Variants in DYNC2LI1 observed in about 807,000 individuals in gnomAD.
DYNC2LI1 encodes the protein cytoplasmic dynein 2 light intermediate chain 1.
A neutral mutation model predicts 51.9 loss-of-function variants in DYNC2LI1; 45 were observed. The ratio of observed to expected loss-of-function variants is 0.87; its 90% confidence interval spans 0.68 to 1.11. DYNC2LI1 has a LOEUF of 1.11. Ranked by LOEUF, DYNC2LI1 falls within the 50% of genes most tolerant of loss-of-function variation. The probability of loss-of-function intolerance (pLI) is 0.00; values close to 1 mark genes in which losing one functional copy is unlikely to be tolerated. For missense variants in DYNC2LI1, 490 were observed against 417.4 expected (o/e 1.17, Z -1.51); for synonymous variants, 130 against 137.8 (o/e 0.94, Z 0.40).
intron 2 of DYNC2LI1, among the ~76,000 whole-genome samples, chr2:43,781,242 A>G (rs1338746893): frequency 6.6e-6 from 1 of 151,926 alleles, no homozygotes; most frequent in Non-Finnish European, 1.5e-5. Flanking sequence ...GGTGGTGCAT[A>G]CTGGTAATCC....
At chr2:43,817,891 CAG>C in the DYNC2LI1 span, among the ~76,000 whole-genome samples, 1 of 152,090 alleles carries the variant, frequency 6.6e-6, no homozygotes, top group Non-Finnish European at 1.5e-5. Context: ...GCCTGGGTGA[CAG>C]AGCGCGATTC....
intron 2 of DYNC2LI1, among the ~76,000 whole-genome samples, chr2:43,777,382 A>G (rs960606145): frequency 6.6e-6 from 1 of 152,162 alleles, no homozygotes; most frequent in Non-Finnish European, 1.5e-5. Context: ...ACCCCTCCCC[A>G]CTTGTTGTAA....
chr2:43,818,015 C>T, the DYNC2LI1 span, among the ~76,000 whole-genome samples: 1 of 152,112 alleles, frequency 6.6e-6, no homozygotes, highest in Non-Finnish European at 1.5e-5. Flanking sequence ...TAACGTTAAC[C>T]TACAGTTGGG....
intron 5 of DYNC2LI1, among the ~76,000 whole-genome samples, chr2:43,791,425 A>G (rs1267854709): frequency 6.6e-6 from 1 of 152,184 alleles, no homozygotes; most frequent in Non-Finnish European, 1.5e-5. Context: ...TAGGTTCTGC[A>G]GGAAGCCAGA....
chr2:43,785,835 AGTT>A (rs2104676608), intron 3 of DYNC2LI1, among the ~76,000 whole-genome samples: 1 of 152,240 alleles, frequency 6.6e-6, no homozygotes, highest in East Asian at 1.9e-4. Flanking sequence ...GAAAATGAGA[AGTT>A]GTTTAATGGG....
chr2:43,809,064 C>A (rs1359860061), intron 12 of DYNC2LI1, among the ~76,000 whole-genome samples: 1 of 152,064 alleles, frequency 6.6e-6, no homozygotes, highest in African/African-American at 2.4e-5. Flanking sequence ...TCACAGTTTA[C>A]TGCAGCCTTG....
chr2:43,774,083 T>C lies in DYNC2LI1; in HGVS notation c.-56T>C. On this transcript the variant is annotated 5_prime_UTR_variant, in exon 1 of 13. Coordinates refer to ENST00000260605, the MANE Select transcript of DYNC2LI1 (RefSeq NM_016008.4). ...CTCCTTGCGGAGCTCGCCGCCTGAT[T>C]CTAGGCTGGTCACTACTCCGAGCCT... 6.2e-7 allele frequency: 1 copy of C among 1,611,088 alleles called. No individual in the cohort carries two copies. Among genetic ancestry groups the C allele is most frequent in the East Asian group, 2.2e-5 (1 of 44,728 alleles).
Position 43,801,497 on chromosome 2 carries a change from A to C in DYNC2LI1, c.732-142A>C, listed in dbSNP as rs530988722. Reference sequence around the variant, plus strand: ...AATTTTTGAAATCACTTAAATTGATAGTCACTCATTCATTCGGGGCAATGC... The same window carrying C: ...AATTTTTGAAATCACTTAAATTGATCGTCACTCATTCATTCGGGGCAATGC... On this transcript the variant is annotated intron_variant, in intron 9 of 12. Transcript: ENST00000260605. The C allele has an allele frequency of 7.8e-4, 408 of 522,320 alleles. 2 individuals carry two copies. Among genetic ancestry groups the C allele is most frequent in the African/African-American group, 7.2e-3 (373 of 51,474 alleles). 32.4% of individuals were successfully genotyped at this position (522,320 alleles called of 1,614,324 possible).
intron 12 of DYNC2LI1, 155 bp downstream of exon 12, chr2:43,805,401 C>G (rs570849148): frequency 2.2e-6 from 1 of 464,168 alleles, no homozygotes; most frequent in South Asian, 3.7e-5. Flanking sequence ...AAATAACACA[C>G]TAATAGTATA....
At chr2:43,798,799 G>C (rs1418374689) in intron 8 of DYNC2LI1, among the ~76,000 whole-genome samples, 2 of 152,210 alleles carry the variant, frequency 1.3e-5, no homozygotes, top group Non-Finnish European at 2.9e-5. Context: ...CTTTCAGGAA[G>C]AATGTAGCCA....
At chr2:43,783,745 T>C (rs1673396435) in intron 3 of DYNC2LI1, among the ~76,000 whole-genome samples, 191 bp downstream of exon 3, 1 of 152,224 alleles carries the variant, frequency 6.6e-6, no homozygotes, top group Admixed American at 6.5e-5. Flanking sequence ...AAAAATTATA[T>C]GAGACTAATA....
chr2:43,808,207 A>G (rs1017243664), intron 12 of DYNC2LI1, among the ~76,000 whole-genome samples: 1 of 152,108 alleles, frequency 6.6e-6, no homozygotes, highest in Non-Finnish European at 1.5e-5. Flanking sequence ...AGCTGTAAAG[A>G]CTACATATGA....
chr2:43,807,262 C>T (rs954121747), intron 12 of DYNC2LI1, among the ~76,000 whole-genome samples: 2 of 151,998 alleles, frequency 1.3e-5, no homozygotes, highest in East Asian at 3.9e-4. Flanking sequence ...TAGGGTCTTT[C>T]GTGATTAGCC....
chr2:43,794,414 A>T, intron 5 of DYNC2LI1, 43 bp from the exon 6 acceptor site: 1 of 1,539,638 alleles, frequency 6.5e-7, no homozygotes, highest in Non-Finnish European at 8.8e-7. Context: ...TCAAAATGGT[A>T]ATTATTTTGA....
intron 2 of DYNC2LI1, among the ~76,000 whole-genome samples, chr2:43,783,214 G>A (rs1425883591): frequency 6.6e-6 from 1 of 152,102 alleles, no homozygotes; most frequent in East Asian, 1.9e-4. Context: ...TTGATGAGTA[G>A]AGAAAAAATT....
At chr2:43,813,974 C>A (rs1666655765), downstream of DYNC2LI1, among the ~76,000 whole-genome samples, 1 of 152,006 alleles carries the variant, frequency 6.6e-6, no homozygotes, top group Admixed American at 6.6e-5. Flanking sequence ...CCTCCGACTC[C>A]CAAAGTGCTG....
At chr2:43,816,806 T>C in the DYNC2LI1 span, among the ~76,000 whole-genome samples, 8 of 152,264 alleles carry the variant, frequency 5.3e-5, no homozygotes, top group Admixed American at 5.2e-4. Context: ...TATAAAATTC[T>C]AGCAAGAACT....
the DYNC2LI1 span, among the ~76,000 whole-genome samples, chr2:43,823,672 C>G: frequency 5.3e-5 from 8 of 152,162 alleles, no homozygotes; most frequent in Non-Finnish European, 8.8e-5. Context: ...CTCTCCCCAC[C>G]AGTACATTGT....
intron 5 of DYNC2LI1, chr2:43,793,813 A>G (rs1673906006): frequency 6.6e-6 from 1 of 152,294 alleles, no homozygotes; most frequent in Admixed American, 6.5e-5. Context: ...GGGCATGAAC[A>G]GAATACAAGT....
Sources: gnomAD v4.1 joint callset for allele counts (sites outside exome capture counted in the v4.1 genomes callset) on GRCh38, gnomAD v4.1.1 for gene constraint, MANE v1.5 for transcripts, NCBI Gene and HGNC (gene_info 2026-07-23, HGNC 2026-07-21) for gene names.